CFAP43: variants seen among roughly 807,000 people sequenced by gnomAD.
CFAP43 encodes cilia- and flagella-associated protein 43.
CFAP43 carries 155 observed loss-of-function variants against 218.9 expected under a neutral mutation model. The ratio of observed to expected loss-of-function variants is 0.71; its 90% CI spans 0.62 to 0.81. CFAP43 has a LOEUF of 0.81. Among genes scored for constraint, CFAP43 ranks in the 30% least tolerant of loss-of-function variants. The probability of loss-of-function intolerance (pLI) is 0.00; values close to 1 mark genes in which losing one functional copy is unlikely to be tolerated. For synonymous variants in CFAP43, 645 were observed against 681.3 expected, an observed-to-expected ratio of 0.95 and a Z score of 0.83; for missense variants, 1,778 against 1,954.3, an observed-to-expected ratio of 0.91 and a Z score of 1.70.
intron 23 of CFAP43, among the ~76,000 whole-genome samples, chr10:104,165,672 T>A (rs1172443186): frequency 2.6e-5 from 4 of 151,272 alleles, no homozygotes; most frequent in Admixed American, 2.6e-4. Context: ...TGTATAGACG[T>A]ATTCTAAGAC....
intron 22 of CFAP43, 39 bp from the exon 23 acceptor site, chr10:104,166,757 A>G (rs2089176964): frequency 1.3e-6 from 2 of 1,524,616 alleles, no homozygotes; most frequent in Non-Finnish European, 1.8e-6. Flanking sequence ...TTATGCAATA[A>G]TAAGAATCCT....
chr10:104,167,583 C>A, intron 22 of CFAP43, 38 bp downstream of exon 22: 1 of 1,482,966 alleles, frequency 6.7e-7, no homozygotes, highest in Non-Finnish European at 9.1e-7. Flanking sequence ...AAATAAAGCA[C>A]ATCACTTATA....
intron 8 of CFAP43, among the ~76,000 whole-genome samples, chr10:104,202,831 T>TAA (rs372323241): frequency 1.6e-4 from 24 of 150,342 alleles, no homozygotes; most frequent in African/African-American, 5.8e-4. Context: ...TTTTTTTTTT[T>TAA]AAAAAAAACT....
At chr10:104,211,950 T>A (rs1046541389) in intron 5 of CFAP43, 57 bp downstream of exon 5, 2 of 1,561,322 alleles carry the variant, frequency 1.3e-6, no homozygotes, top group African/African-American at 1.4e-5. Flanking sequence ...TCAAATGAGA[T>A]CAGGCTTCCT....
At chr10:104,200,670 C>CAAAAAAA (rs71022722) in intron 8 of CFAP43, among the ~76,000 whole-genome samples, 1 of 22,638 alleles carries the variant, frequency 4.4e-5, no homozygotes, top group African/African-American at 1.5e-4. Flanking sequence ...GACTCTGTCT[C>CAAAAAAA]AAAAAAAAAA....
At chr10:104,207,546 G>T in intron 6 of CFAP43, 119 bp downstream of exon 6, 2 of 941,584 alleles carry the variant, frequency 2.1e-6, no homozygotes, top group Non-Finnish European at 1.6e-6. Flanking sequence ...CACAGTAACA[G>T]CCAGAGGATT....
rs188842481 is a variant in CFAP43, at chr10:104,154,918, C to T, written c.3541-2192G>A. 2.0e-5 allele frequency among the ~76,000 whole-genome samples: 3 copies of T among 152,270 alleles called. No homozygotes were observed. In the East Asian group the frequency reaches 5.8e-4, roughly 29 times the overall value. Reference sequence around the variant, plus strand: ...GAGTTCCTTGGGCCCTGTCTTAAGTCTCAGAAGCAAGGCCTGAAACAAGAT... The same window carrying T: ...GAGTTCCTTGGGCCCTGTCTTAAGTTTCAGAAGCAAGGCCTGAAACAAGAT... On this transcript the variant is annotated intron_variant, in intron 27 of 37. Transcript: ENST00000357060.
At chr10:104,182,539 G>C in intron 16 of CFAP43, 26 bp from the exon 17 acceptor site, 1 of 1,551,366 alleles carries the variant, frequency 6.4e-7, no homozygotes, top group Non-Finnish European at 8.6e-7. Flanking sequence ...AGAAAACACA[G>C]AGGCTATAAA....
chr10:104,188,446 A>C (rs1319171386), intron 12 of CFAP43, 36 bp from the exon 13 acceptor site: 1 of 1,602,244 alleles, frequency 6.2e-7, no homozygotes, highest in East Asian at 2.2e-5. Context: ...ACAAGTGGTC[A>C]TTGATAAGTT....
At chr10:104,146,674 G>A (rs865776603) in intron 29 of CFAP43, among the ~76,000 whole-genome samples, 26 of 152,036 alleles carry the variant, frequency 1.7e-4, no homozygotes, top group Non-Finnish European at 4.4e-5. Context: ...CTGAGAGACT[G>A]GATATACATG....
chr10:104,192,562 A>G (rs779582004), intron 11 of CFAP43: 12 of 396,034 alleles, frequency 3.0e-5, no homozygotes, highest in Non-Finnish European at 4.9e-5. Context: ...TTGGTTCATC[A>G]TAAGTGAATG....
intron 4 of CFAP43, 78 bp from the exon 5 acceptor site, chr10:104,212,235 G>A: frequency 4.2e-6 from 6 of 1,420,844 alleles, no homozygotes; most frequent in Non-Finnish European, 4.8e-6. Context: ...ATCAGTTTAA[G>A]TGAGGTGGGG....
intron 7 of CFAP43, among the ~76,000 whole-genome samples, chr10:104,205,231 A>AG (rs967331465): frequency 3.3e-5 from 5 of 151,216 alleles, no homozygotes; most frequent in African/African-American, 7.3e-5. Context: ...AAAAAAAAAA[A>AG]AAAAGAAAAG....
intron 27 of CFAP43, among the ~76,000 whole-genome samples, chr10:104,159,749 G>A (rs77842375): frequency 0.026 from 4,023 of 152,278 alleles, 179 homozygotes; most frequent in African/African-American, 0.092. Context: ...TTTGGGAGAT[G>A]CGCAACGGGT....
chr10:104,142,765 C>G (rs1034190084), intron 32 of CFAP43, among the ~76,000 whole-genome samples: 1 of 152,102 alleles, frequency 6.6e-6, no homozygotes, highest in African/African-American at 2.4e-5. Flanking sequence ...CAAGAAGCAA[C>G]AAGAGGAAGG....
At chr10:104,188,520 G>T in intron 12 of CFAP43, 110 bp from the exon 13 acceptor site, 1 of 1,346,348 alleles carries the variant, frequency 7.4e-7, no homozygotes, top group South Asian at 1.5e-5. Flanking sequence ...TATATCTTTA[G>T]AATCAAATTA....
At chr10:104,142,433 G>A in intron 32 of CFAP43, 40 bp from the exon 33 acceptor site, 1 of 1,518,794 alleles carries the variant, frequency 6.6e-7, no homozygotes, top group East Asian at 2.3e-5. Flanking sequence ...AACATATGGA[G>A]CTTCAATTTT....
chr10:104,217,649 C>T (rs1457709789), intron 3 of CFAP43, among the ~76,000 whole-genome samples: 1 of 152,200 alleles, frequency 6.6e-6, no homozygotes, highest in African/African-American at 2.4e-5. Flanking sequence ...GATCCCGGTA[C>T]ATTTCCAGCA....
chr10:104,130,755 T>C (rs1348115544), intron 37 of CFAP43, among the ~76,000 whole-genome samples: 1 of 152,056 alleles, frequency 6.6e-6, no homozygotes, highest in Non-Finnish European at 1.5e-5. Context: ...CCCAGCACTT[T>C]GGTTAGCTGA....
Sources: allele counts gnomAD v4.1 joint callset (sites outside exome capture counted in the v4.1 genomes callset), GRCh38; gene constraint gnomAD v4.1.1; transcripts MANE v1.5; gene names NCBI Gene and HGNC (gene_info 2026-07-23, HGNC 2026-07-21).